The following DACH2 variants were observed in gnomAD, a reference collection of about 807,000 sequenced individuals.
The protein encoded by DACH2 is dachshund homolog 2.
Under a neutral mutation model 35.8 loss-of-function variants are expected in DACH2, and 17 were observed. That is an observed-to-expected ratio of 0.48 (90% CI 0.33 to 0.71). The LOEUF (loss-of-function observed/expected upper bound fraction) is 0.71, where lower values mean the gene tolerates loss of function less well. Among genes scored for constraint, DACH2 ranks in the 30% least tolerant of loss-of-function variants. The probability of loss-of-function intolerance (pLI) is 0.02; values close to 1 mark genes in which losing one functional copy is unlikely to be tolerated. For missense variants in DACH2, 469 were observed against 472.7 expected (o/e 0.99, Z 0.07); for synonymous variants, 195 against 177.3 (o/e 1.10, Z -0.79).
intron 2 of DACH2, among the ~76,000 whole-genome samples, chrX:86,401,812 C>T (rs1319547953): frequency 9.1e-6 from 1 of 110,244 alleles, no homozygotes; most frequent in Non-Finnish European, 1.9e-5. Flanking sequence ...TTGAATTTGG[C>T]AGCACATCAA....
At chrX:86,233,170 TACAC>T (rs1392709743) in intron 1 of DACH2, among the ~76,000 whole-genome samples, 1 of 111,077 alleles carries the variant, frequency 9.0e-6, no homozygotes, top group Non-Finnish European at 1.9e-5. Context: ...AGAGGAACGA[TACAC>T]ACTGGGTCTA....
intron 6 of DACH2, among the ~76,000 whole-genome samples, chrX:86,728,127 A>G (rs1218278071): frequency 8.9e-6 from 1 of 112,176 alleles, no homozygotes; most frequent in Non-Finnish European, 1.9e-5. Context: ...GATAGCAGTG[A>G]GGAATTTATT....
intron 2 of DACH2, among the ~76,000 whole-genome samples, chrX:86,427,450 C>T (rs1216343754): frequency 9.0e-6 from 1 of 110,686 alleles, no homozygotes; most frequent in Non-Finnish European, 1.9e-5. Context: ...TTGTTCTGAG[C>T]GTGTAGTGAA....
At chrX:86,322,782 G>T (rs1285781512) in intron 1 of DACH2, among the ~76,000 whole-genome samples, 5 of 112,246 alleles carry the variant, frequency 4.5e-5, no homozygotes, top group Non-Finnish European at 9.4e-5. Flanking sequence ...TTAGGTGGTG[G>T]TTCCAGTTAA....
chrX:86,466,863 C>T (rs778101603), intron 2 of DACH2, among the ~76,000 whole-genome samples: 8 of 110,867 alleles, frequency 7.2e-5, no homozygotes, highest in East Asian at 5.8e-4. Context: ...CTTTCAGCCA[C>T]GGCTGGAGTG....
At chrX:86,533,480 G>A (rs116403267) in intron 3 of DACH2, among the ~76,000 whole-genome samples, 1,998 of 111,036 alleles carry the variant, frequency 0.018, 48 homozygotes, top group African/African-American at 0.063. Context: ...ACTTCTCTCT[G>A]TTCTTCATAT....
chrX:86,501,433 C>T lies in DACH2; in HGVS notation c.528-12846C>T, dbSNP rs1026289827. Among the ~76,000 whole-genome samples the T allele has an allele frequency of 2.7e-5, 3 of 111,969 alleles. No homozygotes were observed. In the Admixed American group the frequency reaches 2.8e-4, roughly 11 times the overall value. The stretch of plus-strand genomic sequence containing the variant: ...TAAGTTAAACACAGCCATTAACTTT[C>T]TGGAAGACAGGAAGATAAAGGATTA... On this transcript the variant is annotated intron_variant, in intron 2 of 11. Coordinates refer to ENST00000373125, the MANE Select transcript of DACH2 (RefSeq NM_053281.3).
chrX:86,665,617 C>T (rs906331929), intron 4 of DACH2, among the ~76,000 whole-genome samples: 10 of 111,313 alleles, frequency 9.0e-5, no homozygotes, highest in African/African-American at 2.9e-4. Flanking sequence ...TTATAGCCAA[C>T]GAAGGAAAAA....
intron 2 of DACH2, among the ~76,000 whole-genome samples, chrX:86,400,756 G>A (rs746057363): frequency 1.8e-5 from 2 of 111,423 alleles, no homozygotes; most frequent in Non-Finnish European, 3.8e-5. Context: ...TCTCAGAGGA[G>A]TACCTTGCCG....
At position 86,148,538 on chromosome X, in the gene DACH2, T is replaced by A; in HGVS notation, c.-83T>A. 14 of 1,016,159 alleles carry A rather than the reference T, an allele frequency of 1.4e-5. No individual in the cohort carries two copies. The highest frequency in any genetic ancestry group is 1.8e-5 in the Non-Finnish European group (14 of 769,809). 83.7% of individuals were successfully genotyped at this position (1,016,159 alleles called of 1,213,427 possible). A position where few individuals can be genotyped will look rare whatever the true frequency, so the allele number is the denominator to read the frequency against. ...GAGAGCGCGCCAGAGAGAGCGAGAG[T>A]GAGGGAGTGAGTGCGAGGGGATCTA... On this transcript the variant is annotated 5_prime_UTR_variant, in exon 1 of 12. Coordinates refer to ENST00000373125, the MANE Select transcript of DACH2 (RefSeq NM_053281.3).
chrX:86,446,864 T>G (rs1338531759), intron 2 of DACH2, among the ~76,000 whole-genome samples: 1 of 93,978 alleles, frequency 1.1e-5, no homozygotes, highest in African/African-American at 3.9e-5. Flanking sequence ...CCTGAGGAAT[T>G]GCCACACTGA....
At chrX:86,570,848 C>T (rs1169554227) in intron 3 of DACH2, among the ~76,000 whole-genome samples, 6 of 111,234 alleles carry the variant, frequency 5.4e-5, no homozygotes, top group African/African-American at 2.0e-4. Context: ...GATGGAAGCT[C>T]TTTGTCAAAT....
At chrX:86,677,672 A>G (rs192687900) in intron 4 of DACH2, among the ~76,000 whole-genome samples, 2 of 112,162 alleles carry the variant, frequency 1.8e-5, no homozygotes, top group African/African-American at 6.5e-5. Flanking sequence ...TAACTGAGTT[A>G]TCAGAAGTGA....
intron 1 of DACH2, among the ~76,000 whole-genome samples, chrX:86,335,040 A>G (rs61386814): frequency 0.02 from 2,198 of 111,381 alleles, 48 homozygotes; most frequent in African/African-American, 0.068. Flanking sequence ...GCTTGTTTTG[A>G]TCAGGTTTGT....
intron 11 of DACH2, among the ~76,000 whole-genome samples, chrX:86,818,844 T>A (rs1185243489): frequency 9.1e-6 from 1 of 110,118 alleles, no homozygotes; most frequent in Non-Finnish European, 1.9e-5. Context: ...CACTGTGACA[T>A]CTTAAGAATT....
intron 1 of DACH2, among the ~76,000 whole-genome samples, chrX:86,266,391 A>C (rs1346754053): frequency 8.9e-6 from 1 of 112,102 alleles, no homozygotes; most frequent in Non-Finnish European, 1.9e-5. Context: ...TAAAACAATA[A>C]GTCCCTGAGC....
At chrX:86,556,785 TATATATATATAGAG>T (rs1481213482) in intron 3 of DACH2, among the ~76,000 whole-genome samples, 228 of 47,136 alleles carry the variant, frequency 4.8e-3, no homozygotes, top group East Asian at 0.021. Flanking sequence ...TATATATATA[TATATATATATAGAG>T]AGAGAGAGAG....
At chrX:86,676,019 T>G (rs1433243565) in intron 4 of DACH2, among the ~76,000 whole-genome samples, 1 of 111,999 alleles carries the variant, frequency 8.9e-6, no homozygotes, top group Non-Finnish European at 1.9e-5. Flanking sequence ...CATACACATG[T>G]GCATGTAATA....
At chrX:86,774,843 G>A (rs773284671) in intron 7 of DACH2, among the ~76,000 whole-genome samples, 73 of 112,021 alleles carry the variant, frequency 6.5e-4, no homozygotes, top group Non-Finnish European at 1.2e-3. Context: ...CGTCAGTGAT[G>A]AATATAAACT....
Sources: allele counts gnomAD v4.1 joint callset (sites outside exome capture counted in the v4.1 genomes callset), GRCh38; gene constraint gnomAD v4.1.1; transcripts MANE v1.5; gene names NCBI Gene and HGNC (gene_info 2026-07-23, HGNC 2026-07-21).